Variants in RBFOX1 observed in about 807,000 individuals in gnomAD.
RBFOX1 encodes RNA binding protein fox-1 homolog 1.
RBFOX1 carries 8 observed loss-of-function variants against 57.7 expected under a neutral mutation model. The observed-to-expected ratio is 0.14, with a 90% confidence interval of 0.08 to 0.25. The LOEUF (loss-of-function observed/expected upper bound fraction) is 0.25, where lower values mean the gene tolerates loss of function less well. RBFOX1 is among the 10% of genes least tolerant of loss of function. The probability of loss-of-function intolerance (pLI) is 1.00; values close to 1 mark genes in which losing one functional copy is unlikely to be tolerated. For missense variants in RBFOX1, 611 were observed against 548.5 expected (o/e 1.11, Z -1.14); for synonymous variants, 326 against 222.4 (o/e 1.47, Z -4.15).
chr16:6,498,870 C>G (rs568221318), intron 2 of RBFOX1, among the ~76,000 whole-genome samples: 6 of 152,192 alleles, frequency 3.9e-5, no homozygotes, highest in East Asian at 1.9e-4. Flanking sequence ...CAGTTAGTAT[C>G]TGATCCCTCA....
chr16:6,732,211 C>T (rs2068795095), intron 3 of RBFOX1, among the ~76,000 whole-genome samples: 1 of 152,224 alleles, frequency 6.6e-6, no homozygotes, highest in South Asian at 2.1e-4. Flanking sequence ...ACAGTTGCTG[C>T]TTCTCTGCAG....
intron 1 of RBFOX1, among the ~76,000 whole-genome samples, chr16:6,087,374 A>T (rs1359784733): frequency 2.6e-5 from 4 of 152,164 alleles, no homozygotes; most frequent in Non-Finnish European, 4.4e-5. Flanking sequence ...ATATATATGT[A>T]TATGTATCTA....
intron 4 of RBFOX1, among the ~76,000 whole-genome samples, chr16:7,492,989 C>T (rs958905543): frequency 2.0e-5 from 3 of 152,172 alleles, no homozygotes; most frequent in Non-Finnish European, 2.9e-5. Context: ...AGCGATTCTC[C>T]TGCCTCAGCC....
chr16:6,624,891 G>C (rs796402805), intron 2 of RBFOX1, among the ~76,000 whole-genome samples: 3 of 152,082 alleles, frequency 2.0e-5, no homozygotes, highest in Non-Finnish European at 4.4e-5. Flanking sequence ...GGCTGGACGC[G>C]GTTGCTCACG....
intron 3 of RBFOX1, among the ~76,000 whole-genome samples, chr16:5,860,261 T>G (rs2057179020): frequency 1.3e-5 from 2 of 152,142 alleles, no homozygotes; most frequent in Admixed American, 6.5e-5. Flanking sequence ...TTTTGTATTT[T>G]TAGCAGAGAA....
chr16:6,706,361 G>T (rs935465747), intron 3 of RBFOX1, among the ~76,000 whole-genome samples: 1 of 152,146 alleles, frequency 6.6e-6, no homozygotes, highest in Admixed American at 6.6e-5. Flanking sequence ...AAACTGTTAT[G>T]CAATGTAGCA....
chr16:5,735,805 G>A (rs1382971803), intron 3 of RBFOX1, among the ~76,000 whole-genome samples: 11 of 152,152 alleles, frequency 7.2e-5, no homozygotes, highest in Admixed American at 3.9e-4. Context: ...GAACTCGGGA[G>A]GCGGAGGTTG....
In RBFOX1 at chr16:7,495,127, T is replaced by G. The variant is rs540540304; in HGVS notation, c.28-23020T>G. On this transcript the variant is annotated intron_variant, in intron 4 of 15. Coordinates refer to ENST00000550418, the MANE Select transcript of RBFOX1 (RefSeq NM_018723.4). Reference sequence around the variant, plus strand: ...AGATAATTGCCTCCAGCTGCATCCATGTTGCTGCAAAGACATGATTTCATT... The same window carrying G: ...AGATAATTGCCTCCAGCTGCATCCAGGTTGCTGCAAAGACATGATTTCATT... 8.5e-5 allele frequency among the ~76,000 whole-genome samples: 13 copies of G among 152,332 alleles called. No individual in the cohort carries two copies. The South Asian group carries it at 2.7e-3, about 32-fold the overall frequency.
intron 4 of RBFOX1, among the ~76,000 whole-genome samples, chr16:7,213,405 C>T (rs2091499877): frequency 6.6e-6 from 1 of 152,126 alleles, no homozygotes; most frequent in African/African-American, 2.4e-5. Context: ...AATAGGCAGC[C>T]AGAGTTGAGA....
At chr16:6,070,759 C>A (rs530135833) in intron 1 of RBFOX1, among the ~76,000 whole-genome samples, 2 of 151,600 alleles carry the variant, frequency 1.3e-5, no homozygotes, top group Non-Finnish European at 2.9e-5. Context: ...TATTTTTTGT[C>A]CTCTAGTTTC....
intron 2 of RBFOX1, among the ~76,000 whole-genome samples, chr16:6,590,930 A>G (rs1175261436): frequency 1.3e-5 from 2 of 152,188 alleles, no homozygotes; most frequent in Non-Finnish European, 2.9e-5. Flanking sequence ...ATAGTGGGTA[A>G]GATGAGAGAC....
rs548664980 is a variant in RBFOX1, at chr16:7,590,371, G to A, written c.468+3071G>A. On this transcript the variant is annotated intron_variant, in intron 7 of 15. Transcript: ENST00000550418. ...ATATAACTCAAGTATTTAATGTATG[G>A]GTGAATAGCAAGAATGCAGAAAATC... Among the ~76,000 whole-genome samples the A allele has an allele frequency of 9.9e-3, 1,508 of 151,950 alleles. 26 individuals are homozygous for A. Among genetic ancestry groups the A allele is most frequent in the African/African-American group, 0.035 (1,439 of 41,432 alleles).
intron 1 of RBFOX1, among the ~76,000 whole-genome samples, chr16:5,450,836 C>T (rs531357441): frequency 1.1e-3 from 165 of 152,286 alleles, no homozygotes; most frequent in Non-Finnish European, 1.2e-3. Flanking sequence ...ACCAGATGCA[C>T]ACAGGAGCCC....
chr16:7,242,407 T>C (rs1254535145), intron 4 of RBFOX1, among the ~76,000 whole-genome samples: 2 of 152,146 alleles, frequency 1.3e-5, no homozygotes, highest in African/African-American at 4.8e-5. Context: ...AGAAACTAGA[T>C]CTCTCTGAGC....
intron 4 of RBFOX1, among the ~76,000 whole-genome samples, chr16:7,386,084 C>A (rs1379066447): frequency 6.6e-6 from 1 of 151,976 alleles, no homozygotes; most frequent in East Asian, 1.9e-4. Flanking sequence ...CCACCATGCC[C>A]AGCCAGCTTT....
intron 1 of RBFOX1, among the ~76,000 whole-genome samples, chr16:6,174,969 T>G (rs1339105038): frequency 1.3e-5 from 2 of 152,242 alleles, no homozygotes; most frequent in African/African-American, 4.8e-5. Context: ...TCACTAGCTG[T>G]GTGACCTTGA....
chr16:6,779,491 T>G (rs2079971386), intron 3 of RBFOX1, among the ~76,000 whole-genome samples: 1 of 151,434 alleles, frequency 6.6e-6, no homozygotes, highest in Non-Finnish European at 1.5e-5. Flanking sequence ...AGTGCACATA[T>G]CTCTTCTATA....
At chr16:6,367,723 G>A (rs2089860029) in intron 2 of RBFOX1, among the ~76,000 whole-genome samples, 1 of 148,388 alleles carries the variant, frequency 6.7e-6, no homozygotes, top group Non-Finnish European at 1.5e-5. Flanking sequence ...TGTATCTTTT[G>A]GACAGGTAGA....
At chr16:7,588,247 C>T (rs1298320476) in intron 7 of RBFOX1, among the ~76,000 whole-genome samples, 1 of 152,122 alleles carries the variant, frequency 6.6e-6, no homozygotes, top group African/African-American at 2.4e-5. Flanking sequence ...TCTAAAACCT[C>T]CTCTCTATCA....
Sources: gnomAD v4.1 joint callset for allele counts (sites outside exome capture counted in the v4.1 genomes callset) on GRCh38, gnomAD v4.1.1 for gene constraint, MANE v1.5 for transcripts, NCBI Gene and HGNC (gene_info 2026-07-23, HGNC 2026-07-21) for gene names.